Variants in ADGRE2 observed in about 807,000 individuals in gnomAD.
ADGRE2 encodes adhesion G protein-coupled receptor E2, also known as CD97 antigen.
A neutral mutation model predicts 100.8 loss-of-function variants in ADGRE2; 83 were observed. That is an observed-to-expected ratio of 0.82 (90% confidence interval 0.69 to 0.99). ADGRE2 has a LOEUF of 0.99. ADGRE2 is among the 50% of genes least tolerant of loss of function. The pLI, the probability that ADGRE2 is intolerant of heterozygous loss-of-function variation, is 0.00. For synonymous variants in ADGRE2, 355 were observed against 413.0 expected (o/e 0.86, Z 1.70); for missense variants, 814 against 1,035.7 (o/e 0.79, Z 2.94).
intron 18 of ADGRE2, 113 bp from the exon 19 acceptor site, chr19:14,743,897 G>A (rs2043003983): frequency 2.0e-6 from 2 of 988,714 alleles, no homozygotes; most frequent in African/African-American, 1.8e-5. Flanking sequence ...TTCTCAGACT[G>A]GGCTGTGGTC....
At chr19:14,736,929 TTAG>T (rs2042775674) in intron 20 of ADGRE2, among the ~76,000 whole-genome samples, 1 of 87,694 alleles carries the variant, frequency 1.1e-5, no homozygotes, top group Non-Finnish European at 2.5e-5. Flanking sequence ...ATATATATAT[TTAG>T]AAATATATAT....
rs1208162321 is a variant in ADGRE2 at position 14,755,761 on chromosome 19, G to A, written c.1309C>T (p.Leu437=). Residue 437 remains leucine (L), a synonymous_variant, in exon 13 of 21, where the codon CTG becomes TTG. Transcript: ENST00000315576. ...AGCAGGATGGGGGAGCCGTCCTGCA[G>A]CAAGCCCTGGTGTGTCTCATGCAGA... ...MLLHETHQGL[L]QDGSPILLSD... 6.2e-7 allele frequency: 1 copy of A among 1,614,230 alleles called. No individual in the cohort carries two copies. Among genetic ancestry groups the A allele is most frequent in the East Asian group, 2.2e-5 (1 of 44,892 alleles).
intron 11 of ADGRE2, among the ~76,000 whole-genome samples, chr19:14,761,266 C>T (rs181123895): frequency 1.3e-5 from 2 of 152,166 alleles, no homozygotes; most frequent in Admixed American, 6.5e-5. Context: ...ATTAGCCGGG[C>T]GTGGTGGCGG....
chr19:14,764,819 C>T lies in ADGRE2; in HGVS notation c.907-209G>A, dbSNP rs371637616. Among the ~76,000 whole-genome samples, 42 of 152,288 alleles carry T rather than the reference C, an allele frequency of 2.8e-4. No individual in the cohort carries two copies. The East Asian group carries it at 4.2e-3, about 15-fold the overall frequency. ...GGGTCACAAGGTCAGGAGATCGAGA[C>T]CATCCTGGCCAACATGGTGAAACCC... is the stretch of plus-strand genomic sequence containing the variant. On this transcript the variant is annotated intron_variant, in intron 10 of 20. Coordinates refer to ENST00000315576, the MANE Select transcript of ADGRE2 (RefSeq NM_013447.4).
intron 11 of ADGRE2, among the ~76,000 whole-genome samples, chr19:14,758,055 C>T (rs764192652): frequency 6.6e-6 from 1 of 152,208 alleles, no homozygotes; most frequent in African/African-American, 2.4e-5. Context: ...AGGTGATCCG[C>T]CCACATTGGC....
downstream of ADGRE2, among the ~76,000 whole-genome samples, chr19:14,729,868 C>T (rs1034387616): frequency 1.3e-5 from 2 of 152,152 alleles, no homozygotes; most frequent in African/African-American, 4.8e-5. Flanking sequence ...CATCATGTTG[C>T]TCTTGATAAA....
intron 14 of ADGRE2, among the ~76,000 whole-genome samples, chr19:14,752,742 G>C (rs1294608040): frequency 6.6e-6 from 1 of 151,904 alleles, no homozygotes; most frequent in African/African-American, 2.4e-5. Context: ...AGGTGACAAC[G>C]GGTGTGCATT....
chr19:14,770,669 C>CTTTTTTTTTTTTTTTTTTTTT (rs775214778), intron 5 of ADGRE2, among the ~76,000 whole-genome samples: 2 of 85,008 alleles, frequency 2.4e-5, no homozygotes, highest in African/African-American at 9.3e-5. Flanking sequence ...TCTTTCTTTT[C>CTTTTTTTTTTTTTTTTTTTTT]TTTTTTTTTT....
downstream of ADGRE2, chr19:14,731,224 T>G (rs1681867975): frequency 6.5e-7 from 1 of 1,528,786 alleles, no homozygotes; most frequent in African/African-American, 1.4e-5. Flanking sequence ...CTCTTGCATG[T>G]TCAGATCGCT....
At chr19:14,727,024 CTTTTTTTTTTTT>C in the ADGRE2 span, among the ~76,000 whole-genome samples, 3 of 70,108 alleles carry the variant, frequency 4.3e-5, no homozygotes, top group South Asian at 1.2e-3. Flanking sequence ...AGAAAAGAGG[CTTTTTTTTTTTT>C]TTTTTTTTTT....
At chr19:14,746,432 G>A in intron 17 of ADGRE2, 109 bp from the exon 18 acceptor site, 1 of 679,026 alleles carries the variant, frequency 1.5e-6, no homozygotes, top group Non-Finnish European at 2.6e-6. Flanking sequence ...GAGTGTGGCG[G>A]TGCAATCTCA....
At chr19:14,767,363 C>T (rs754355168) in intron 5 of ADGRE2, among the ~76,000 whole-genome samples, 1 of 151,980 alleles carries the variant, frequency 6.6e-6, no homozygotes, top group Non-Finnish European at 1.5e-5. Context: ...CTCAGCCTCC[C>T]GAATAGCTGG....
chr19:14,773,305 CTTT>C (rs1483722509), intron 4 of ADGRE2, among the ~76,000 whole-genome samples: 6 of 146,910 alleles, frequency 4.1e-5, no homozygotes, highest in African/African-American at 1.3e-4. Context: ...TTCCTTCCTT[CTTT>C]CCTCCCTCCC....
At chr19:14,747,321 C>A (rs1179162866) in intron 16 of ADGRE2, among the ~76,000 whole-genome samples, 2 of 151,910 alleles carry the variant, frequency 1.3e-5, no homozygotes, top group Non-Finnish European at 2.9e-5. Flanking sequence ...AGCAACATAG[C>A]AAGACCCCAT....
chr19:14,739,078 T>C (rs992045385), intron 20 of ADGRE2, among the ~76,000 whole-genome samples: 1 of 151,620 alleles, frequency 6.6e-6, no homozygotes, highest in Non-Finnish European at 1.5e-5. Context: ...CGAGTGATTC[T>C]TGTGCCTCAG....
chr19:14,753,241 T>C (rs2043359306), intron 14 of ADGRE2, among the ~76,000 whole-genome samples: 1 of 151,840 alleles, frequency 6.6e-6, no homozygotes, highest in African/African-American at 2.4e-5. Context: ...GACAGAGAGT[T>C]GGCAGCTCTA....
intron 14 of ADGRE2, among the ~76,000 whole-genome samples, chr19:14,753,072 A>ATT (rs35787575): frequency 0.051 from 7,661 of 149,972 alleles, 214 homozygotes; most frequent in Middle Eastern, 0.075. Context: ...ACCCGTCCTA[A>ATT]TTTTTTTTTT....
At chr19:14,766,881 C>G in intron 6 of ADGRE2, 97 bp downstream of exon 6, 2 of 1,395,750 alleles carry the variant, frequency 1.4e-6, no homozygotes, top group Non-Finnish European at 2.0e-6. Flanking sequence ...TGGGAACCTG[C>G]GGATCTTCTC....
chr19:14,727,571 C>CTG (rs2042641822), downstream of ADGRE2, among the ~76,000 whole-genome samples: 4 of 152,024 alleles, frequency 2.6e-5, no homozygotes, highest in South Asian at 8.3e-4. Flanking sequence ...AAAGGGATTA[C>CTG]TAAACCATTC....
Sources: allele counts gnomAD v4.1 joint callset (sites outside exome capture counted in the v4.1 genomes callset), GRCh38; gene constraint gnomAD v4.1.1; transcripts MANE v1.5; gene names NCBI Gene and HGNC (gene_info 2026-07-23, HGNC 2026-07-21).